AFAP1: variants seen among roughly 807,000 people sequenced by gnomAD.
The protein encoded by AFAP1 is actin filament associated protein 1.
In AFAP1, 75 loss-of-function variants were observed where a neutral mutation model predicts 93.9. That is an observed-to-expected ratio of 0.80 (90% CI 0.66 to 0.97). The LOEUF is 0.97. Ranked by LOEUF, AFAP1 falls within the 50% of genes least tolerant of loss-of-function variation. AFAP1 has a pLI of 0.00. For synonymous variants in AFAP1, 517 were observed against 430.7 expected, an observed-to-expected ratio of 1.20 and a Z score of -2.48; for missense variants, 1,201 against 1,050.8, an observed-to-expected ratio of 1.14 and a Z score of -1.98.
At chr4:7,782,146 C>T (rs981416848) in intron 12 of AFAP1, among the ~76,000 whole-genome samples, 2 of 152,302 alleles carry the variant, frequency 1.3e-5, no homozygotes, top group African/African-American at 2.4e-5. Flanking sequence ...ACGTCCTGGA[C>T]GCTGACTTCG....
chr4:7,864,889 G>C (rs1034937659), intron 3 of AFAP1, among the ~76,000 whole-genome samples: 1 of 152,074 alleles, frequency 6.6e-6, no homozygotes, highest in Non-Finnish European at 1.5e-5. Context: ...TAGGCAGGAG[G>C]ATTGCTTGAG....
intron 4 of AFAP1, among the ~76,000 whole-genome samples, chr4:7,853,916 T>C (rs982590835): frequency 2.6e-5 from 4 of 152,200 alleles, no homozygotes; most frequent in African/African-American, 9.7e-5. Flanking sequence ...CAGTCACCTC[T>C]TCTTCTGGAG....
chr4:7,856,985 G>C (rs1432132035), intron 3 of AFAP1, among the ~76,000 whole-genome samples: 1 of 152,184 alleles, frequency 6.6e-6, no homozygotes, highest in East Asian at 1.9e-4. Context: ...CTCAAAATCA[G>C]ACACTAGTAA....
chr4:7,931,563 G>C (rs988868015), intron 1 of AFAP1, among the ~76,000 whole-genome samples: 2 of 143,914 alleles, frequency 1.4e-5, no homozygotes, highest in African/African-American at 5.5e-5. Flanking sequence ...TTTTTTTTTG[G>C]TAGAGGTGGA....
At chr4:7,869,901 GA>G (rs1716878333) in intron 2 of AFAP1, among the ~76,000 whole-genome samples, 1 of 152,144 alleles carries the variant, frequency 6.6e-6, no homozygotes, top group African/African-American at 2.4e-5. Context: ...TTAAAGAGCT[GA>G]AGAAAGAATT....
chr4:7,893,407 C>G (rs367641203), intron 1 of AFAP1, among the ~76,000 whole-genome samples: 2 of 151,900 alleles, frequency 1.3e-5, no homozygotes, highest in Non-Finnish European at 2.9e-5. Flanking sequence ...GGTGAAACCC[C>G]GTCTCTACTA....
chr4:7,798,618 T>C (rs9683795), intron 10 of AFAP1, among the ~76,000 whole-genome samples: 96,983 of 152,126 alleles, frequency 0.64, 33,257 homozygotes, highest in African/African-American at 0.88. Flanking sequence ...ACTGGGTAAA[T>C]TTCCAATTCT....
chr4:7,810,845 G>A (rs550153572), intron 8 of AFAP1, among the ~76,000 whole-genome samples: 11 of 152,142 alleles, frequency 7.2e-5, no homozygotes, highest in Non-Finnish European at 1.2e-4. Flanking sequence ...CATCTCCCAC[G>A]ATGGAGGCCC....
At chr4:7,936,616 CTG>C (rs1177636414) in intron 1 of AFAP1, among the ~76,000 whole-genome samples, 1 of 147,622 alleles carries the variant, frequency 6.8e-6, no homozygotes, top group Non-Finnish European at 1.5e-5. Flanking sequence ...GAGTCTCACT[CTG>C]TCACCCAGGC....
At chr4:7,871,228 G>T (rs1717008639) in intron 2 of AFAP1, among the ~76,000 whole-genome samples, 1 of 152,166 alleles carries the variant, frequency 6.6e-6, no homozygotes, top group Non-Finnish European at 1.5e-5. Context: ...CTCTAGAGGG[G>T]CCTGCTGGCA....
chr4:7,843,406 C>T (rs191316813), intron 4 of AFAP1, 56 bp from the exon 5 acceptor site: 12 of 1,496,486 alleles, frequency 8.0e-6, no homozygotes, highest in East Asian at 4.8e-5. Context: ...GAAGTTTACC[C>T]GTGGGCTCAA....
At chr4:7,785,360 A>G (rs1717161848) in intron 12 of AFAP1, among the ~76,000 whole-genome samples, 1 of 152,022 alleles carries the variant, frequency 6.6e-6, no homozygotes, top group Non-Finnish European at 1.5e-5. Context: ...TCCTGCATGG[A>G]TAGATGGATA....
Position 7,763,517 on chromosome 4 carries a change from T to TC in AFAP1, c.*247dup, listed in dbSNP as rs1184526175. The TC allele has an allele frequency of 1.8e-6, 1 of 546,036 alleles. No homozygotes were observed. The highest frequency in any genetic ancestry group is 3.0e-5 in the East Asian group (1 of 32,932). The allele number at this position is 546,036 out of a possible 1,614,324, so 33.8% of individuals were successfully genotyped here. A position where few individuals can be genotyped will look rare whatever the true frequency, so the allele number is the denominator to read the frequency against. ...CTGATAGCATCCTTTCAAACACCTT[T>TC]CCATCACTTTTTTTGTTTTTTAACA... On this transcript the variant is annotated 3_prime_UTR_variant, in exon 18 of 18. Coordinates refer to ENST00000420658, the MANE Select transcript of AFAP1 (RefSeq NM_001134647.2).
At chr4:7,776,077 G>A (rs1716082687) in intron 14 of AFAP1, 1 of 152,166 alleles carries the variant, frequency 6.6e-6, no homozygotes, top group Non-Finnish European at 1.5e-5. Flanking sequence ...AACTCGGATG[G>A]AGGATCACCG....
chr4:7,848,061 A>C (rs77616824), intron 4 of AFAP1, among the ~76,000 whole-genome samples: 2,394 of 148,784 alleles, frequency 0.016, 74 homozygotes, highest in African/African-American at 0.057. Context: ...GGACAGGTGG[A>C]TGGGTGAGTG....
chr4:7,908,138 G>T (rs1373334299), intron 1 of AFAP1, among the ~76,000 whole-genome samples: 1 of 150,638 alleles, frequency 6.6e-6, no homozygotes, highest in African/African-American at 2.5e-5. Flanking sequence ...CTTGAACCTG[G>T]GGGGAGCACG....
intron 11 of AFAP1, among the ~76,000 whole-genome samples, chr4:7,788,251 T>C (rs1717500102): frequency 6.6e-6 from 1 of 152,210 alleles, no homozygotes; most frequent in Admixed American, 6.5e-5. Context: ...TGCGCTTCTG[T>C]GATCACCAGA....
chr4:7,877,340 C>G (rs1717574541), intron 1 of AFAP1, among the ~76,000 whole-genome samples: 1 of 152,336 alleles, frequency 6.6e-6, no homozygotes. Context: ...TTGATTCTCA[C>G]AAGAATGCAG....
At chr4:7,824,124 A>G (rs1015797492) in intron 6 of AFAP1, among the ~76,000 whole-genome samples, 39 of 152,288 alleles carry the variant, frequency 2.6e-4, no homozygotes, top group African/African-American at 9.1e-4. Flanking sequence ...GATCACTCCA[A>G]TTCTTTGAAC....
Sources: allele counts gnomAD v4.1 joint callset (sites outside exome capture counted in the v4.1 genomes callset), GRCh38; gene constraint gnomAD v4.1.1; transcripts MANE v1.5; gene names NCBI Gene and HGNC (gene_info 2026-07-23, HGNC 2026-07-21).